STARD13: variants seen among roughly 807,000 people sequenced by gnomAD.
The protein encoded by STARD13 is StAR related lipid transfer domain containing 13, also known as stAR-related lipid transfer protein 13.
Under a neutral mutation model 106.4 loss-of-function variants are expected in STARD13, and 62 were observed. The ratio of observed to expected loss-of-function variants is 0.58; its 90% CI spans 0.48 to 0.72. STARD13 has a LOEUF of 0.72. Among genes scored for constraint, STARD13 ranks in the 30% least tolerant of loss-of-function variants. STARD13 has a pLI of 0.00. For missense variants in STARD13, 1,387 were observed against 1,424.0 expected (o/e 0.97, Z 0.42); for synonymous variants, 565 against 553.0 (o/e 1.02, Z -0.31).
chr13:33,623,744 A>T, the STARD13 span, among the ~76,000 whole-genome samples: 2 of 152,228 alleles, frequency 1.3e-5, no homozygotes, highest in South Asian at 2.1e-4. Flanking sequence ...TTAATTATCT[A>T]CATCTACCTG....
rs1156581837 is a variant in STARD13, at chr13:33,142,276, A to G, written c.387+34T>C. The G allele has an allele frequency of 1.9e-6, 3 of 1,562,996 alleles. No homozygotes were observed. The East Asian group carries it at 6.7e-5, about 35-fold the overall frequency. On this transcript the variant is annotated intron_variant, in intron 4 of 13. Transcript: ENST00000336934. ...TCTCAAACTCCTGGCATTCACTGGC[A>G]TAGCCACATTCTTATTAAGGTGTGG...
At chr13:33,499,747 T>C in the STARD13 span, among the ~76,000 whole-genome samples, 2 of 142,046 alleles carry the variant, frequency 1.4e-5, no homozygotes, top group Non-Finnish European at 3.0e-5. Context: ...CTCTCCCTCT[T>C]CTTCTTCTTC....
At chr13:33,182,646 T>C (rs1436106375) in intron 1 of STARD13, among the ~76,000 whole-genome samples, 1 of 152,222 alleles carries the variant, frequency 6.6e-6, no homozygotes, top group African/African-American at 2.4e-5. Flanking sequence ...TTTACAAATT[T>C]GTGTTGGGCC....
the STARD13 span, among the ~76,000 whole-genome samples, chr13:33,356,275 A>G: frequency 6.6e-6 from 1 of 152,376 alleles, no homozygotes; most frequent in South Asian, 2.1e-4. Context: ...TTAGCTTACC[A>G]CACAACCTCG....
rs573186098 is a variant in STARD13, at chr13:33,179,952, A to G, written c.170-12330T>C. On this transcript the variant is annotated intron_variant, in intron 1 of 13. Coordinates refer to ENST00000336934, the MANE Select transcript of STARD13 (RefSeq NM_178006.4). ...GAACTCACTGCCTTCTTGGAAGTAGAATCTCATGCTCCTCCCTCTGTGCCT... is the reference window on the plus strand; with the variant it reads ...GAACTCACTGCCTTCTTGGAAGTAGGATCTCATGCTCCTCCCTCTGTGCCT... 3.3e-5 allele frequency among the ~76,000 whole-genome samples: 5 copies of G among 152,304 alleles called. No homozygotes were observed. The East Asian group carries it at 9.6e-4, about 29-fold the overall frequency.
At chr13:33,612,453 A>T in the STARD13 span, among the ~76,000 whole-genome samples, 1 of 152,170 alleles carries the variant, frequency 6.6e-6, no homozygotes, top group South Asian at 2.1e-4. Flanking sequence ...ATCATCAGAC[A>T]CGGTGATCCA....
At chr13:33,149,336 T>A (rs1284868925) in intron 3 of STARD13, among the ~76,000 whole-genome samples, 1 of 152,214 alleles carries the variant, frequency 6.6e-6, no homozygotes, top group Non-Finnish European at 1.5e-5. Context: ...CTGTAGTTTC[T>A]GCTCAGTTTT....
intron 1 of STARD13, among the ~76,000 whole-genome samples, chr13:33,258,794 A>G (rs564920991): frequency 6.6e-6 from 1 of 152,336 alleles, no homozygotes; most frequent in South Asian, 2.1e-4. Context: ...CTTTGCTTCC[A>G]TACAGAAAAC....
the STARD13 span, among the ~76,000 whole-genome samples, chr13:33,588,765 T>A: frequency 6.6e-6 from 1 of 152,154 alleles, no homozygotes; most frequent in African/African-American, 2.4e-5. Context: ...CCTCTTAGAG[T>A]TAAATGTACT....
chr13:33,248,207 C>T (rs1433582217), intron 1 of STARD13, among the ~76,000 whole-genome samples: 1 of 151,976 alleles, frequency 6.6e-6, no homozygotes, highest in African/African-American at 2.4e-5. Context: ...CAAGACCAGC[C>T]TGGGCAACAT....
the STARD13 span, among the ~76,000 whole-genome samples, chr13:33,598,640 A>G: frequency 6.6e-6 from 1 of 152,254 alleles, no homozygotes; most frequent in Non-Finnish European, 1.5e-5. Context: ...ATATTTTCTC[A>G]GTTTTATGGA....
chr13:33,419,617 A>G, the STARD13 span, among the ~76,000 whole-genome samples: 1 of 152,200 alleles, frequency 6.6e-6, no homozygotes, highest in African/African-American at 2.4e-5. Flanking sequence ...CACCAGAAAG[A>G]TACTCTTCAA....
the STARD13 span, among the ~76,000 whole-genome samples, chr13:33,407,395 G>A: frequency 6.6e-6 from 1 of 152,096 alleles, no homozygotes; most frequent in Admixed American, 6.6e-5. Context: ...AGCGCTTCGG[G>A]TACCACAAGG....
chr13:33,339,728 G>C (rs2077938364), intron 1 of STARD13, among the ~76,000 whole-genome samples: 1 of 152,040 alleles, frequency 6.6e-6, no homozygotes, highest in African/African-American at 2.4e-5. Flanking sequence ...TTTGACTTAT[G>C]TTCATTGTAA....
At position 33,130,149 on chromosome 13, in the gene STARD13, C is replaced by A; in HGVS notation, c.528G>T (p.Gly176=). ...GDRNGSPGGT[G]MRNTTSSESV... The stretch of plus-strand genomic sequence containing the variant: ...TCTCACTGCTGGTCGTGTTCCTCAT[C>A]CCCGTGCCTCCCGGTGACCCATTTC... Residue 176 remains glycine, a synonymous_variant, in exon 5 of 14, where the codon GGG becomes GGT. Coordinates refer to ENST00000336934, the MANE Select transcript of STARD13 (RefSeq NM_178006.4). The surrounding 1 kb of genome is among the most constrained non-coding windows in gnomAD (Gnocchi z 4.1). 1 of 1,614,150 alleles carries A rather than the reference C, an allele frequency of 6.2e-7. No individual in the cohort carries two copies. Among genetic ancestry groups the A allele is most frequent in the Non-Finnish European group, 8.5e-7 (1 of 1,180,036 alleles).
Position 33,129,564 on chromosome 13 carries a change from C to A in STARD13, c.1113G>T (p.Ala371=). The A allele has an allele frequency of 6.2e-7, 1 of 1,614,162 alleles. No homozygotes were observed. Among genetic ancestry groups the A allele is most frequent in the Non-Finnish European group, 8.5e-7 (1 of 1,180,032 alleles). The stretch of plus-strand genomic sequence containing the variant: ...CCCCTGCATCCGGCAGTGCTGTCCC[C>A]GCCAGCACATCTAGGTCCTCCAAGT... ...GMYLEDLDVL[A]GTALPDAGDQ... The change falls in exon 5 of 14, where the codon GCG becomes GCT. Residue 371 remains alanine (A), a synonymous_variant. Coordinates refer to ENST00000336934, the MANE Select transcript of STARD13 (RefSeq NM_178006.4).
chr13:33,154,890 G>C, intron 3 of STARD13, among the ~76,000 whole-genome samples: 1 of 152,078 alleles, frequency 6.6e-6, no homozygotes, highest in East Asian at 1.9e-4. Flanking sequence ...GGCTGCTCAG[G>C]AGCCCACCCC....
the STARD13 span, among the ~76,000 whole-genome samples, chr13:33,366,117 T>TATAG: frequency 1.3e-5 from 2 of 152,098 alleles, no homozygotes; most frequent in Non-Finnish European, 2.9e-5. This position sits in a 1 kb window ranked among gnomAD's most constrained non-coding sequence, Gnocchi z 4.2. Flanking sequence ...TTTTTCTAGG[T>TATAG]ATAGTATCAT....
the STARD13 span, among the ~76,000 whole-genome samples, chr13:33,436,845 G>A: frequency 3.9e-5 from 6 of 152,128 alleles, no homozygotes; most frequent in Non-Finnish European, 8.8e-5. Flanking sequence ...ATCAGTGACT[G>A]AGACCAGAGG....
Sources: gnomAD v4.1 joint callset for allele counts (sites outside exome capture counted in the v4.1 genomes callset) on GRCh38, gnomAD v4.1.1 for gene constraint, Gnocchi (gnomAD v3.1) non-coding constraint, MANE v1.5 for transcripts, NCBI Gene and HGNC (gene_info 2026-07-23, HGNC 2026-07-21) for gene names.